Variants in AFF3 observed in about 807,000 individuals in gnomAD.
AFF3 encodes the protein AF4/FMR2 family member 3.
A neutral mutation model predicts 129.7 loss-of-function variants in AFF3; 32 were observed. The observed-to-expected ratio is 0.25, with a 90% confidence interval of 0.19 to 0.33. The LOEUF (loss-of-function observed/expected upper bound fraction) is 0.33, where lower values mean the gene tolerates loss of function less well. AFF3 is among the 10% of genes least tolerant of loss of function. The probability of loss-of-function intolerance (pLI) is 1.00; values close to 1 mark genes in which losing one functional copy is unlikely to be tolerated. For synonymous variants in AFF3, 644 were observed against 635.4 expected (o/e 1.01, Z -0.20); for missense variants, 1,373 against 1,592.0 (o/e 0.86, Z 2.34).
chr2:100,018,648 C>A (rs1683335258), intron 4 of AFF3, among the ~76,000 whole-genome samples: 1 of 151,964 alleles, frequency 6.6e-6, no homozygotes, highest in South Asian at 2.1e-4. Flanking sequence ...TTTTCCTTTA[C>A]AATATAAAAG....
At chr2:99,872,086 G>C (rs1002834109) in intron 7 of AFF3, among the ~76,000 whole-genome samples, 2 of 151,088 alleles carry the variant, frequency 1.3e-5, no homozygotes, top group African/African-American at 4.9e-5. Flanking sequence ...GGCGCCTGTA[G>C]TCCCAGCTAC....
intron 7 of AFF3, among the ~76,000 whole-genome samples, chr2:99,949,249 T>C (rs1480435965): frequency 6.6e-6 from 1 of 152,236 alleles, no homozygotes; most frequent in Non-Finnish European, 1.5e-5. Flanking sequence ...GGATATTTTA[T>C]TGCTTCTAGC....
chr2:100,119,244 G>C (rs1463451404), intron 2 of AFF3, among the ~76,000 whole-genome samples: 2 of 152,162 alleles, frequency 1.3e-5, no homozygotes, highest in Admixed American at 6.5e-5. Flanking sequence ...CCACAGGTAA[G>C]GCCAAAAGTG....
At chr2:99,582,772 T>C (rs369359668) in intron 17 of AFF3, 26 bp downstream of exon 17, 5 of 1,612,322 alleles carry the variant, frequency 3.1e-6, no homozygotes, top group Admixed American at 1.7e-5. Context: ...TTGGTTTTAA[T>C]TGGGAAAGGA....
intron 7 of AFF3, among the ~76,000 whole-genome samples, chr2:99,873,161 A>G (rs561622015): frequency 4.8e-4 from 73 of 152,356 alleles, no homozygotes; most frequent in Admixed American, 6.5e-4. Context: ...AGTATTAGAA[A>G]GCACATACTC....
At chr2:100,109,014 A>G (rs985043296) in intron 2 of AFF3, among the ~76,000 whole-genome samples, 24 of 137,112 alleles carry the variant, frequency 1.8e-4, no homozygotes, top group Non-Finnish European at 3.2e-4. Flanking sequence ...ATTCACTTAT[A>G]TAGTCACTAT....
intron 11 of AFF3, among the ~76,000 whole-genome samples, chr2:99,672,926 C>G (rs1240127890): frequency 6.6e-6 from 1 of 152,052 alleles, no homozygotes; most frequent in East Asian, 1.9e-4. Context: ...ATGTTCCCAA[C>G]AGGAAGAAAA....
intron 13 of AFF3, among the ~76,000 whole-genome samples, chr2:99,635,908 C>T (rs2105442281): frequency 6.6e-6 from 1 of 152,252 alleles, no homozygotes; most frequent in Middle Eastern, 3.4e-3. Flanking sequence ...ACTACGAGGT[C>T]ACATACGCCC....
Position 100,105,276 on chromosome 2 carries a change from C to T in AFF3, c.-65+228G>A, listed in dbSNP as rs191192983. ...CCCGGGTGGGTGCGGGGGAATTCCC[C>T]GGCCGCCCAGGCGCGGGGAGAGTGA... On this transcript the variant is annotated intron_variant, in intron 3 of 24. Coordinates refer to ENST00000672756, the MANE Select transcript of AFF3 (RefSeq NM_001386135.1). The T allele has an allele frequency of 3.0e-3, 3,483 of 1,174,446 alleles. 91 individuals carry two copies. In the African/African-American group the frequency reaches 0.052, roughly 17 times the overall value. 72.8% of individuals were successfully genotyped at this position (1,174,446 alleles called of 1,614,324 possible).
At chr2:100,037,540 A>T (rs1428298165) in intron 4 of AFF3, among the ~76,000 whole-genome samples, 1 of 146 alleles carries the variant, frequency 6.8e-3, no homozygotes, top group Non-Finnish European at 0.018. Context: ...ATATAAATAT[A>T]TATTTATATT....
intron 8 of AFF3, among the ~76,000 whole-genome samples, chr2:99,826,160 C>A (rs10211244): frequency 1.9e-3 from 284 of 151,984 alleles, no homozygotes; most frequent in African/African-American, 6.6e-3. Flanking sequence ...GATTACAGTC[C>A]CCCGCCACCA....
At chr2:99,809,357 G>A (rs950180895) in intron 8 of AFF3, among the ~76,000 whole-genome samples, 5 of 152,224 alleles carry the variant, frequency 3.3e-5, no homozygotes, top group African/African-American at 7.2e-5. Context: ...GGGGGCTGGC[G>A]CTCCTACTGC....
intron 12 of AFF3, among the ~76,000 whole-genome samples, chr2:99,669,798 C>T (rs1453969659): frequency 2.0e-5 from 3 of 152,038 alleles, no homozygotes; most frequent in African/African-American, 4.8e-5. Context: ...GGTGAAACCC[C>T]GTCTCTAGTG....
chr2:99,920,392 G>A (rs183817725), intron 7 of AFF3, among the ~76,000 whole-genome samples: 56 of 152,062 alleles, frequency 3.7e-4, no homozygotes, highest in African/African-American at 1.3e-3. Context: ...TGAAATCAGC[G>A]TAGTCCAATA....
At chr2:99,660,745 T>C (rs1204125614) in intron 12 of AFF3, among the ~76,000 whole-genome samples, 1 of 152,184 alleles carries the variant, frequency 6.6e-6, no homozygotes, top group Non-Finnish European at 1.5e-5. Context: ...GATGACCATA[T>C]CTGGGGGCCT....
At chr2:99,672,221 CACACACACACAT>C (rs1450958873) in intron 12 of AFF3, among the ~76,000 whole-genome samples, 13 of 29,328 alleles carry the variant, frequency 4.4e-4, no homozygotes, top group Non-Finnish European at 5.8e-4. Context: ...CACACACACA[CACACACACACAT>C]GAATAAATAA....
intron 16 of AFF3, among the ~76,000 whole-genome samples, chr2:99,583,785 T>C (rs921791549): frequency 1.3e-5 from 2 of 152,118 alleles, no homozygotes; most frequent in African/African-American, 2.4e-5. Flanking sequence ...CTCTGCCTCC[T>C]GGGTTCAAGT....
At position 100,007,377 on chromosome 2, in the gene AFF3, T is replaced by C. The variant is rs1167566500; in HGVS notation, c.258A>G (p.Arg86=). The C allele has an allele frequency of 2.5e-6, 4 of 1,614,052 alleles. No individual in the cohort carries two copies. The highest frequency in any genetic ancestry group is 1.3e-5 in the African/African-American group (1 of 75,040). Residue 86 remains arginine, a synonymous_variant, in exon 6 of 25, where the codon AGA becomes AGG. Coordinates refer to ENST00000672756, the MANE Select transcript of AFF3 (RefSeq NM_001386135.1). The part of the protein sequence containing the change: ...YDEMKDFLTD[R]SNQSHLVGVP... ...CTCCAACGAGATGACTCTGATTGGA[T>C]CTATCAGTTAAAAAGTCTTTCATTT...
At chr2:100,040,603 G>A (rs866244047) in intron 4 of AFF3, among the ~76,000 whole-genome samples, 5 of 152,274 alleles carry the variant, frequency 3.3e-5, no homozygotes, top group South Asian at 4.1e-4. Flanking sequence ...TTGAAGGAGC[G>A]ACCAGGGCTG....
Sources: gnomAD v4.1 joint callset for allele counts (sites outside exome capture counted in the v4.1 genomes callset) on GRCh38, gnomAD v4.1.1 for gene constraint, MANE v1.5 for transcripts, NCBI Gene and HGNC (gene_info 2026-07-23, HGNC 2026-07-21) for gene names.